The following TMEM117 variants were observed in gnomAD, a reference collection of about 807,000 sequenced individuals.
TMEM117 encodes the protein transmembrane protein 117.
TMEM117 carries 27 observed loss-of-function variants against 52.4 expected under a neutral mutation model. That is an observed-to-expected ratio of 0.51 (90% confidence interval 0.38 to 0.71). The LOEUF is 0.71. Ranked by LOEUF, TMEM117 falls within the 30% of genes least tolerant of loss-of-function variation. The probability of loss-of-function intolerance (pLI) is 0.00; values close to 1 mark genes in which losing one functional copy is unlikely to be tolerated. For synonymous variants in TMEM117, 215 were observed against 206.3 expected (o/e 1.04, Z -0.36); for missense variants, 556 against 630.5 (o/e 0.88, Z 1.26).
chr12:43,912,876 G>A (rs1944537919), intron 2 of TMEM117, among the ~76,000 whole-genome samples: 1 of 151,992 alleles, frequency 6.6e-6, no homozygotes, highest in South Asian at 2.1e-4. Flanking sequence ...TGTCTGCCAT[G>A]TTTTTGCATG....
At chr12:44,075,010 G>T (rs146850353) in intron 3 of TMEM117, among the ~76,000 whole-genome samples, 1 of 152,124 alleles carries the variant, frequency 6.6e-6, no homozygotes, top group African/African-American at 2.4e-5. Context: ...GGCTTATTCA[G>T]TTTTCTCAGA....
intron 5 of TMEM117, among the ~76,000 whole-genome samples, chr12:44,258,757 G>A (rs1320034967): frequency 6.6e-6 from 1 of 152,080 alleles, no homozygotes; most frequent in Non-Finnish European, 1.5e-5. Context: ...TACAGAATTA[G>A]CAAATGTGTA....
At chr12:44,254,709 C>G (rs1204735048) in intron 5 of TMEM117, among the ~76,000 whole-genome samples, 1 of 151,702 alleles carries the variant, frequency 6.6e-6, no homozygotes, top group Non-Finnish European at 1.5e-5. Flanking sequence ...GCACAATGTG[C>G]AGGTTTGTTA....
chr12:43,991,333 C>A (rs114094563), intron 3 of TMEM117, among the ~76,000 whole-genome samples: 1 of 152,110 alleles, frequency 6.6e-6, no homozygotes, highest in East Asian at 1.9e-4. Context: ...CTTGACAAAT[C>A]GTCACATAGT....
At chr12:44,247,670 A>C (rs1368441960) in intron 5 of TMEM117, among the ~76,000 whole-genome samples, 1 of 152,236 alleles carries the variant, frequency 6.6e-6, no homozygotes, top group East Asian at 1.9e-4. Flanking sequence ...CAGCATCACT[A>C]ATCACCAGAG....
intron 6 of TMEM117, among the ~76,000 whole-genome samples, chr12:44,321,894 C>T (rs949455597): frequency 1.3e-5 from 2 of 152,130 alleles, no homozygotes; most frequent in Non-Finnish European, 2.9e-5. Flanking sequence ...TATGCATTTA[C>T]TATGCTCTCT....
At chr12:43,971,998 G>A (rs1055821242) in intron 3 of TMEM117, among the ~76,000 whole-genome samples, 1 of 152,166 alleles carries the variant, frequency 6.6e-6, no homozygotes, top group Admixed American at 6.6e-5. Context: ...GTGGAATCAA[G>A]TTTTTTTATT....
intron 3 of TMEM117, among the ~76,000 whole-genome samples, chr12:43,972,125 A>G (rs1366554533): frequency 6.6e-6 from 1 of 152,234 alleles, no homozygotes; most frequent in Non-Finnish European, 1.5e-5. Context: ...CAAATCCCCA[A>G]AATTAAGGGT....
intron 6 of TMEM117, among the ~76,000 whole-genome samples, chr12:44,316,001 A>T (rs1951049166): frequency 6.6e-6 from 1 of 152,086 alleles, no homozygotes. Context: ...GGAAGACAGG[A>T]GACAGACTTT....
At chr12:43,813,228 CTT>C in the TMEM117 span, among the ~76,000 whole-genome samples, 4 of 73,178 alleles carry the variant, frequency 5.5e-5, no homozygotes, top group South Asian at 7.9e-4. Context: ...CTGGTTTTCT[CTT>C]GTTTTTTTTT....
intron 4 of TMEM117, among the ~76,000 whole-genome samples, chr12:44,158,618 T>G (rs925184388): frequency 6.6e-6 from 1 of 152,200 alleles, no homozygotes; most frequent in Non-Finnish European, 1.5e-5. Flanking sequence ...CAAATTCAGA[T>G]TTAATCTTTG....
intron 1 of TMEM117, among the ~76,000 whole-genome samples, chr12:43,840,992 A>G (rs977501434): frequency 3.9e-5 from 6 of 152,334 alleles, no homozygotes; most frequent in Middle Eastern, 3.4e-3. Context: ...AAGGAACTAG[A>G]AAGTAGGGCT....
chr12:43,830,643 A>G, the TMEM117 span, among the ~76,000 whole-genome samples: 1 of 151,984 alleles, frequency 6.6e-6, no homozygotes, highest in Non-Finnish European at 1.5e-5. Flanking sequence ...ACTGTTTAGA[A>G]AAGTACCTTT....
intron 3 of TMEM117, among the ~76,000 whole-genome samples, chr12:44,129,476 C>T (rs1297314532): frequency 6.6e-6 from 1 of 152,168 alleles, no homozygotes; most frequent in African/African-American, 2.4e-5. Flanking sequence ...TACACTCTTT[C>T]CCATTCCCCT....
chr12:44,396,742 TACTC>T, the TMEM117 span, among the ~76,000 whole-genome samples: 2 of 150,608 alleles, frequency 1.3e-5, no homozygotes, highest in African/African-American at 4.9e-5. Flanking sequence ...TAATCCCAGA[TACTC>T]AGGAGGCTGA....
chr12:44,297,000 G>A (rs574214952), intron 5 of TMEM117, among the ~76,000 whole-genome samples: 6 of 152,260 alleles, frequency 3.9e-5, no homozygotes, highest in South Asian at 2.1e-4. Flanking sequence ...CTTGGACTTC[G>A]TATCTGAATC....
At chr12:44,198,078 G>T (rs1412769159) in intron 4 of TMEM117, among the ~76,000 whole-genome samples, 1 of 152,078 alleles carries the variant, frequency 6.6e-6, no homozygotes, top group East Asian at 1.9e-4. Context: ...TCACTTAACT[G>T]TATACTCAGG....
At chr12:44,086,590 G>T (rs1362853022) in intron 3 of TMEM117, among the ~76,000 whole-genome samples, 1 of 151,932 alleles carries the variant, frequency 6.6e-6, no homozygotes, top group Non-Finnish European at 1.5e-5. Context: ...CTGCATGCTG[G>T]CCTTCAACTT....
intron 3 of TMEM117, among the ~76,000 whole-genome samples, chr12:44,075,198 T>G (rs976388661): frequency 1.7e-4 from 26 of 152,218 alleles, no homozygotes; most frequent in African/African-American, 6.0e-4. Flanking sequence ...TGGCCAAGAC[T>G]GGGTACATCT....
Sources: gnomAD v4.1 joint callset for allele counts (sites outside exome capture counted in the v4.1 genomes callset) on GRCh38, gnomAD v4.1.1 for gene constraint, MANE v1.5 for transcripts, NCBI Gene and HGNC (gene_info 2026-07-23, HGNC 2026-07-21) for gene names.